The following BIRC2 variants were observed in gnomAD, a reference collection of about 807,000 sequenced individuals.
BIRC2 encodes the protein baculoviral IAP repeat containing 2.
BIRC2 carries 18 observed loss-of-function variants against 60.9 expected under a neutral mutation model. The ratio of observed to expected loss-of-function variants is 0.30; its 90% CI spans 0.20 to 0.44. The LOEUF (loss-of-function observed/expected upper bound fraction) is 0.44, where lower values mean the gene tolerates loss of function less well. Ranked by LOEUF, BIRC2 falls within the 20% of genes least tolerant of loss-of-function variation. BIRC2 has a pLI of 1.00. For synonymous variants in BIRC2, 282 were observed against 247.7 expected (o/e 1.14, Z -1.30); for missense variants, 701 against 728.5 (o/e 0.96, Z 0.43).
At chr11:102,353,679 CT>C (rs60766578) in intron 3 of BIRC2, among the ~76,000 whole-genome samples, 1,686 of 86,100 alleles carry the variant, frequency 0.02, 14 homozygotes, top group African/African-American at 0.064. Context: ...TAGTAACTTT[CT>C]TTTTTTTTTT....
rs747527688 is a variant in BIRC2, at chr11:102,362,905, C to T, written c.1005C>T (p.Phe335=). 3 of 1,612,000 alleles carry T rather than the reference C, an allele frequency of 1.9e-6. No homozygotes were observed. In the African/African-American group the frequency reaches 4.0e-5, roughly 22 times the overall value. Residue 335 remains phenylalanine, a synonymous_variant, in exon 4 of 9, where the codon TTC becomes TTT. Transcript: ENST00000227758. The part of the protein sequence containing the change: ...EHAKWFPRCE[F]LIRMKGQEFV... ...TCCTCATATGTTTTAGGTGTGAGTT[C>T]TTGATACGAATGAAAGGCCAAGAGT...
chr11:102,362,909 A>G lies in BIRC2; in HGVS notation c.1009A>G (p.Ile337Val). Residue 337 changes from isoleucine (I) to valine (V), a missense_variant, in exon 4 of 9, where the codon ATA (isoleucine) becomes GTA (valine). Ile to Val is a conservative substitution (Grantham distance 29). Around this residue, in one of 4 missense-constraint regions of BIRC2, gnomAD observed 39 missense variants for 69.8 expected, o/e 0.56. Transcript: ENST00000227758. ...CATATGTTTTAGGTGTGAGTTCTTG[A>G]TACGAATGAAAGGCCAAGAGTTTGT... ...AKWFPRCEFL[I>V]RMKGQEFVDE... is the part of the protein sequence containing the mutation. 6.2e-7 allele frequency: 1 copy of G among 1,612,560 alleles called. No individual in the cohort carries two copies. The highest frequency in any genetic ancestry group is 2.2e-5 in the East Asian group (1 of 44,750).
In BIRC2 at chr11:102,377,514, G is replaced by A. The variant is rs201111444; in HGVS notation, c.1385G>A (p.Arg462Gln). The change falls in exon 7 of 9, where the codon CGG becomes CAG. Residue 462 changes from arginine to glutamine, a missense_variant. Coordinates refer to ENST00000227758, the MANE Select transcript of BIRC2 (RefSeq NM_001166.5). The part of the protein sequence containing the change: ...EMASDDLSLI[R>Q]KNRMALFQQL... ...AATGAAGATGATTTGTCATTAATTC[G>A]GAAGAACAGAATGGCTCTCTTTCAA... The A allele has an allele frequency of 4.2e-5, 67 of 1,587,348 alleles. No individual in the cohort carries two copies. In the Middle Eastern group the frequency reaches 5.0e-4, roughly 12 times the overall value.
At chr11:102,356,195 CTTTT>C (rs540599539) in intron 3 of BIRC2, among the ~76,000 whole-genome samples, 2 of 127,002 alleles carry the variant, frequency 1.6e-5, no homozygotes. Context: ...AAGCTGAAAG[CTTTT>C]TTTTTTTTTT....
At chr11:102,359,598 C>T (rs1213102729) in intron 3 of BIRC2, among the ~76,000 whole-genome samples, 2 of 152,182 alleles carry the variant, frequency 1.3e-5, no homozygotes, top group Non-Finnish European at 2.9e-5. Flanking sequence ...TGAAGGACAG[C>T]TTTGCTGGGA....
At chr11:102,369,432 G>T (rs1166645420) in intron 6 of BIRC2, among the ~76,000 whole-genome samples, 1 of 150,904 alleles carries the variant, frequency 6.6e-6, no homozygotes, top group Non-Finnish European at 1.5e-5. Flanking sequence ...TTTCGTTCTT[G>T]CGATAGTTTA....
intron 3 of BIRC2, among the ~76,000 whole-genome samples, chr11:102,353,554 G>A (rs1951386507): frequency 6.6e-6 from 1 of 152,136 alleles, no homozygotes; most frequent in Non-Finnish European, 1.5e-5. Flanking sequence ...CTGACCTCAA[G>A]TGATCTGCCT....
intron 5 of BIRC2, 31 bp downstream of exon 5, chr11:102,363,747 G>A: frequency 6.4e-7 from 1 of 1,573,636 alleles, no homozygotes; most frequent in Non-Finnish European, 8.7e-7. Flanking sequence ...AGTATAGAGT[G>A]TAAATTTTTA....
intron 5 of BIRC2, among the ~76,000 whole-genome samples, chr11:102,367,271 T>G (rs1381994465): frequency 6.6e-6 from 1 of 152,208 alleles, no homozygotes; most frequent in African/African-American, 2.4e-5. Context: ...TGCATTTTAT[T>G]TATCCATTCC....
In BIRC2 at chr11:102,350,847, G is replaced by A. The variant is rs191312831; in HGVS notation, c.899G>A (p.Arg300His). The A allele has an allele frequency of 1.7e-5, 28 of 1,613,042 alleles. No individual in the cohort carries two copies. The highest frequency in any genetic ancestry group is 2.2e-5 in the East Asian group (1 of 44,872). Residue 300 changes from arginine (R) to histidine (H), a missense_variant, in exon 3 of 9, where the codon CGC (arginine) becomes CAC (histidine). Coordinates refer to ENST00000227758, the MANE Select transcript of BIRC2 (RefSeq NM_001166.5). ...TTTAGTCTTTTTTTTCCTGAAGGTC[G>A]CAATGATGATGTCAAATGCTTTTGT... ...LASAGFYYVGRNDDVKCFCCD... is the reference protein window; with the variant it reads ...LASAGFYYVGHNDDVKCFCCD...
At position 102,368,545 on chromosome 11, in the gene BIRC2, T is replaced by G; in HGVS notation, c.1363T>G (p.Ser455Ala). The change falls in exon 6 of 9, where the codon TCA becomes GCA. Residue 455 changes from serine (S) to alanine (A), a missense_variant. Around this residue, in one of 4 missense-constraint regions of BIRC2, gnomAD observed 235 missense variants for 208.9 expected, o/e 1.12. Coordinates refer to ENST00000227758, the MANE Select transcript of BIRC2 (RefSeq NM_001166.5). ...GGAAAAACAAGCTGAAGAAATGGCA[T>G]CAGGTATTTGGGGATGTTAGTCACC... ...EKEKQAEEMA[S>A]DDLSLIRKNR... 1 of 1,612,782 alleles carries G rather than the reference T, an allele frequency of 6.2e-7. No individual in the cohort carries two copies. Among genetic ancestry groups the G allele is most frequent in the Non-Finnish European group, 8.5e-7 (1 of 1,179,532 alleles).
At chr11:102,362,202 A>G (rs1329582114) in intron 3 of BIRC2, among the ~76,000 whole-genome samples, 1 of 152,146 alleles carries the variant, frequency 6.6e-6, no homozygotes, top group Admixed American at 6.5e-5. Context: ...ATTTAGGTAT[A>G]TGATCCATTT....
In BIRC2 at chr11:102,350,837, C is replaced by T. The variant is rs757569634; in HGVS notation, c.896-7C>T. The T allele has an allele frequency of 7.5e-6, 12 of 1,605,660 alleles. No homozygotes were observed. The highest frequency in any genetic ancestry group is 5.4e-5 in the African/African-American group (4 of 74,030). On this transcript the variant is annotated splice_region_variant and splice_polypyrimidine_tract_variant and intron_variant, in intron 2 of 8. Transcript: ENST00000227758. The stretch of plus-strand genomic sequence containing the variant: ...GTTTTCAATATTTAGTCTTTTTTTT[C>T]CTGAAGGTCGCAATGATGATGTCAA...
At chr11:102,361,178 G>A (rs994922966) in intron 3 of BIRC2, among the ~76,000 whole-genome samples, 13 of 152,150 alleles carry the variant, frequency 8.5e-5, no homozygotes, top group Non-Finnish European at 1.8e-4. Flanking sequence ...GCCAAGGTTT[G>A]GAGTGCAAGT....
intron 3 of BIRC2, among the ~76,000 whole-genome samples, chr11:102,351,614 C>CAAAAAAAAAAAA (rs768269523): frequency 2.9e-5 from 2 of 68,604 alleles, no homozygotes; most frequent in Non-Finnish European, 2.6e-5. Flanking sequence ...GACTCTGTCT[C>CAAAAAAAAAAAA]AAAAAAAAAA....
intron 4 of BIRC2, 65 bp downstream of exon 4, chr11:102,363,039 T>C (rs562562030): frequency 7.9e-7 from 1 of 1,267,010 alleles, no homozygotes; most frequent in East Asian, 2.5e-5. Flanking sequence ...TATTATTAGG[T>C]TGGTATAAAA....
chr11:102,358,290 A>G (rs908049358), intron 3 of BIRC2, among the ~76,000 whole-genome samples: 1 of 152,170 alleles, frequency 6.6e-6, no homozygotes, highest in Non-Finnish European at 1.5e-5. Context: ...AAAATTTAAA[A>G]CTTTTTGAGT....
rs769096755 is a variant in BIRC2, at chr11:102,349,886, C to T, written c.32C>T (p.Pro11Leu). Residue 11 changes from proline to leucine, a missense_variant, in exon 2 of 9, where the codon CCA becomes CTA. Transcript: ENST00000227758. ...AAAACTGCCTCCCAAAGACTTTTCC[C>T]AGGTCCCTCGTATCAAAACATTAAG... Reference protein sequence around the residue: MHKTASQRLFPGPSYQNIKSI... With the variant: MHKTASQRLFLGPSYQNIKSI... 5 of 1,611,188 alleles carry T rather than the reference C, an allele frequency of 3.1e-6. No homozygotes were observed. The East Asian group carries it at 1.1e-4, about 36-fold the overall frequency.
intron 6 of BIRC2, among the ~76,000 whole-genome samples, chr11:102,369,516 A>T (rs906303968): frequency 2.0e-5 from 3 of 150,134 alleles, no homozygotes; most frequent in African/African-American, 7.3e-5. Context: ...ATGGCTGCAT[A>T]GTATTCCATG....
Sources: allele counts gnomAD v4.1 joint callset (sites outside exome capture counted in the v4.1 genomes callset), GRCh38; gene constraint gnomAD v4.1.1; regional missense constraint gnomAD v4.1.1; transcripts MANE v1.5; gene names NCBI Gene and HGNC (gene_info 2026-07-23, HGNC 2026-07-21).